Variants in PTPRQ observed in about 807,000 individuals in gnomAD.
PTPRQ encodes phosphatidylinositol phosphatase PTPRQ.
In PTPRQ, 199 loss-of-function variants were observed where a neutral mutation model predicts 246.0. The observed-to-expected ratio is 0.81, with a 90% confidence interval of 0.72 to 0.91. The LOEUF (loss-of-function observed/expected upper bound fraction) is 0.91, where lower values mean the gene tolerates loss of function less well. Among genes scored for constraint, PTPRQ ranks in the 40% least tolerant of loss-of-function variants. The pLI is 0.00. For missense variants in PTPRQ, 2,624 were observed against 2,528.4 expected, an observed-to-expected ratio of 1.04 and a Z score of -0.81; for synonymous variants, 869 against 853.2, an observed-to-expected ratio of 1.02 and a Z score of -0.32.
At chr12:80,505,967 C>A in intron 14 of PTPRQ, 57 bp from the exon 15 acceptor site, 1 of 1,496,672 alleles carries the variant, frequency 6.7e-7, no homozygotes. Flanking sequence ...ACAATTTCAG[C>A]AGAATAGATT....
chr12:80,498,191 C>G (rs1445591177), intron 14 of PTPRQ, among the ~76,000 whole-genome samples: 1 of 151,994 alleles, frequency 6.6e-6, no homozygotes, highest in Non-Finnish European at 1.5e-5. Context: ...AGAAAAATGT[C>G]TGCTCTTTAA....
In PTPRQ at chr12:80,462,440, A is replaced by G. The variant is rs1224702574; in HGVS notation, c.910+1538A>G. 4 of 164,358 alleles carry G rather than the reference A, an allele frequency of 2.4e-5. No individual in the cohort carries two copies. The Admixed American group carries it at 2.5e-4, about 10-fold the overall frequency. 10.2% of individuals were successfully genotyped at this position (164,358 alleles called of 1,614,324 possible). On this transcript the variant is annotated intron_variant, in intron 6 of 44. Coordinates refer to ENST00000644991, the MANE Select transcript of PTPRQ (RefSeq NM_001145026.2). ...TAGGCTCCACCTCTGGGGGCAGGGC[A>G]CAGACAAACAAAAAGACAGCAGTAA...
At chr12:80,457,730 T>G (rs969332881) in intron 4 of PTPRQ, 86 bp downstream of exon 4, 9 of 398,006 alleles carry the variant, frequency 2.3e-5, no homozygotes, top group Non-Finnish European at 3.6e-5. Flanking sequence ...AAACTGACAC[T>G]AAAATACATA....
chr12:80,525,935 T>C (rs1314322435), intron 17 of PTPRQ: 2 of 152,158 alleles, frequency 1.3e-5, no homozygotes, highest in African/African-American at 4.8e-5. Flanking sequence ...GTTGGTGAGG[T>C]CTAGTGTAGT....
intron 35 of PTPRQ, among the ~76,000 whole-genome samples, chr12:80,636,486 G>T (rs1899656497): frequency 6.6e-6 from 1 of 152,096 alleles, no homozygotes; most frequent in Non-Finnish European, 1.5e-5. Flanking sequence ...GAATTTTAGT[G>T]GTATCCTCCT....
intron 16 of PTPRQ, among the ~76,000 whole-genome samples, chr12:80,508,681 A>G (rs1184615458): frequency 6.6e-6 from 1 of 152,136 alleles, no homozygotes; most frequent in Non-Finnish European, 1.5e-5. Flanking sequence ...TTTAGAATAC[A>G]TGTGCCAAAA....
At chr12:80,447,108 T>A (rs1892578412) in intron 3 of PTPRQ, among the ~76,000 whole-genome samples, 1 of 152,106 alleles carries the variant, frequency 6.6e-6, no homozygotes, top group Non-Finnish European at 1.5e-5. Context: ...CTGATTGGTA[T>A]AAGATGATGT....
chr12:80,672,536 T>C (rs953953822), intron 42 of PTPRQ, among the ~76,000 whole-genome samples: 1 of 151,980 alleles, frequency 6.6e-6, no homozygotes, highest in Admixed American at 6.6e-5. Flanking sequence ...GAATCTTGTC[T>C]TTCTGATAAT....
At chr12:80,473,031 A>ACG (rs1893691667) in intron 8 of PTPRQ, among the ~76,000 whole-genome samples, 1 of 97,214 alleles carries the variant, frequency 1.0e-5, no homozygotes, top group East Asian at 2.4e-4. Context: ...ATACACACAC[A>ACG]CACACTCACA....
In PTPRQ at chr12:80,457,575, G is replaced by C; in HGVS notation, c.391G>C (p.Val131Leu). 1 of 400,184 alleles carries C rather than the reference G, an allele frequency of 2.5e-6. No individual in the cohort carries two copies. 24.8% of individuals were successfully genotyped at this position (400,184 alleles called of 1,614,324 possible). ...LNPGTTYEIKVAAENSAGIGV... is the reference protein window; with the variant it reads ...LNPGTTYEIKLAAENSAGIGV... ...ACACAATCCTTTTGGTCTGTTCTAG[G>C]TTGCTGCTGAAAACAGTGCTGGCAT... The change falls in exon 4 of 45, where the codon GTT (valine) becomes CTT (leucine). Residue 131 changes from valine to leucine, a missense_variant and splice_region_variant. By Grantham distance (32) the Val-to-Leu change is conservative. Coordinates refer to ENST00000644991, the MANE Select transcript of PTPRQ (RefSeq NM_001145026.2).
chr12:80,581,366 T>C (rs772955770), intron 25 of PTPRQ, among the ~76,000 whole-genome samples: 2 of 152,198 alleles, frequency 1.3e-5, no homozygotes, highest in African/African-American at 2.4e-5. Flanking sequence ...CCAGGTGCCA[T>C]GGCGCATGCT....
intron 35 of PTPRQ, among the ~76,000 whole-genome samples, chr12:80,645,420 TC>T (rs2121211277): frequency 6.6e-6 from 1 of 152,162 alleles, no homozygotes; most frequent in East Asian, 1.9e-4. Flanking sequence ...AGATATTCCC[TC>T]ACAATAAAGC....
intron 32 of PTPRQ, among the ~76,000 whole-genome samples, chr12:80,621,208 A>G (rs892544672): frequency 6.6e-6 from 1 of 151,912 alleles, no homozygotes; most frequent in Admixed American, 6.6e-5. Context: ...TATTAAATGC[A>G]ATTACTTTGG....
At chr12:80,515,691 C>T (rs562235382) in intron 17 of PTPRQ, among the ~76,000 whole-genome samples, 1 of 152,002 alleles carries the variant, frequency 6.6e-6, no homozygotes, top group African/African-American at 2.4e-5. Flanking sequence ...GTCTCAGCCT[C>T]CCAAAGTGCT....
chr12:80,474,285 TTTC>T (rs1893744527), intron 8 of PTPRQ, among the ~76,000 whole-genome samples: 1 of 152,228 alleles, frequency 6.6e-6, no homozygotes. Context: ...CTTAATTTAA[TTTC>T]TTCTCCATAT....
intron 8 of PTPRQ, among the ~76,000 whole-genome samples, chr12:80,479,225 C>T (rs1457327453): frequency 6.7e-6 from 1 of 149,142 alleles, no homozygotes; most frequent in Non-Finnish European, 1.5e-5. Flanking sequence ...CAATATTCAA[C>T]ATTCTTAAAG....
chr12:80,529,276 T>C (rs1895778428), intron 17 of PTPRQ, among the ~76,000 whole-genome samples: 2 of 152,198 alleles, frequency 1.3e-5, no homozygotes, highest in Admixed American at 1.3e-4. Context: ...ATTCTTCATT[T>C]TGGGGAGTTC....
intron 33 of PTPRQ, among the ~76,000 whole-genome samples, chr12:80,629,722 G>T (rs1295408445): frequency 6.6e-6 from 1 of 152,252 alleles, no homozygotes; most frequent in African/African-American, 2.4e-5. Context: ...GTCCTTGCTT[G>T]TATGTTGAAA....
intron 33 of PTPRQ, among the ~76,000 whole-genome samples, chr12:80,622,985 C>T (rs1899051712): frequency 6.6e-6 from 1 of 152,124 alleles, no homozygotes; most frequent in East Asian, 1.9e-4. Flanking sequence ...AGGATCACAA[C>T]ATTCTACATT....
Sources: gnomAD v4.1 joint callset for allele counts (sites outside exome capture counted in the v4.1 genomes callset) on GRCh38, gnomAD v4.1.1 for gene constraint, MANE v1.5 for transcripts, NCBI Gene and HGNC (gene_info 2026-07-23, HGNC 2026-07-21) for gene names.